TRAF3: variants seen among roughly 807,000 people sequenced by gnomAD.
TRAF3 encodes TNF receptor-associated factor 3.
TRAF3 carries 13 observed loss-of-function variants against 62.3 expected under a neutral mutation model. The observed-to-expected ratio is 0.21, with a 90% CI of 0.14 to 0.33. TRAF3 has a LOEUF of 0.33. TRAF3 is among the 10% of genes least tolerant of loss of function. TRAF3 has a pLI of 1.00. For missense variants in TRAF3, 440 were observed against 741.8 expected, an observed-to-expected ratio of 0.59 and a Z score of 4.73; for synonymous variants, 269 against 283.4, an observed-to-expected ratio of 0.95 and a Z score of 0.51.
chr14:102,891,222 C>T (rs1486308513), intron 8 of TRAF3, 103 bp from the exon 9 acceptor site: 20 of 1,076,864 alleles, frequency 1.9e-5, no homozygotes, highest in Non-Finnish European at 6.8e-6. Context: ...AAATAGGTCT[C>T]CCCTCTTTGT....
Position 102,906,110 on chromosome 14 carries a change from T to C in TRAF3, c.*326T>C, listed in dbSNP as rs2140013476. On this transcript the variant is annotated 3_prime_UTR_variant, in exon 12 of 12. Transcript: ENST00000392745. ...CTAAACAAAAGAAACATGATTTTTC[T>C]TCCTTAAACTTGAACACCAAAAAAA... The C allele has an allele frequency of 4.4e-6, 1 of 228,272 alleles. No individual in the cohort carries two copies. Among genetic ancestry groups the C allele is most frequent in the East Asian group, 9.2e-5 (1 of 10,880 alleles). 14.1% of individuals were successfully genotyped at this position (228,272 alleles called of 1,614,324 possible).
intron 1 of TRAF3, among the ~76,000 whole-genome samples, chr14:102,784,110 A>G (rs933880678): frequency 2.0e-5 from 3 of 151,908 alleles, no homozygotes; most frequent in Admixed American, 1.3e-4. Context: ...TAGGTAAGTA[A>G]TTCTCCCAAG....
intron 6 of TRAF3, among the ~76,000 whole-genome samples, chr14:102,877,377 C>T (rs557820077): frequency 1.4e-4 from 20 of 144,798 alleles, no homozygotes; most frequent in Non-Finnish European, 2.4e-4. Context: ...ACAGGCCTTC[C>T]GCTCAATTCA....
intron 2 of TRAF3, among the ~76,000 whole-genome samples, chr14:102,853,764 G>A (rs1371947848): frequency 6.6e-6 from 1 of 151,880 alleles, no homozygotes; most frequent in African/African-American, 2.4e-5. Flanking sequence ...CTTGGGCCCG[G>A]GAGGCGGAGG....
At position 102,881,395 on chromosome 14, in the gene TRAF3, C is replaced by CA. The variant is rs57546209; in HGVS notation, c.571-4779dup. On this transcript the variant is annotated intron_variant, in intron 6 of 11. Transcript: ENST00000392745. ...CAAGACTCCGTCTCAACAACAAAAA[C>CA]AAAAAAAAAAAAAAAGAAAAAAAGG... Among the ~76,000 whole-genome samples the CA allele has an allele frequency of 5.1e-3, 600 of 117,414 alleles. 1 individual carries two copies. The highest frequency in any genetic ancestry group is 7.9e-3 in the Non-Finnish European group (384 of 48,894). The allele number at this position is 117,414 out of a possible 152,430, so 77.0% of individuals were successfully genotyped here. A position where few individuals can be genotyped will look rare whatever the true frequency, so the allele number is the denominator to read the frequency against.
rs777470087 is a variant in TRAF3, at chr14:102,903,526, G to A, written c.1135+97G>A. 3 of 1,544,460 alleles carry A rather than the reference G, an allele frequency of 1.9e-6. No homozygotes were observed. Among genetic ancestry groups the A allele is most frequent in the African/African-American group, 2.7e-5 (2 of 73,616 alleles). On this transcript the variant is annotated intron_variant, in intron 11 of 11. Transcript: ENST00000392745. This position sits in a 1 kb window ranked among gnomAD's most constrained non-coding sequence, Gnocchi z 6.4. The stretch of plus-strand genomic sequence containing the variant: ...GGGATGAGGGCTATGTTAGGTACAT[G>A]TGCCTTAGGACAGTTTTTTCTAATT...
Position 102,910,337 on chromosome 14 carries a change from G to T in TRAF3, c.*4553G>T, listed in dbSNP as rs996557835. 1.3e-5 allele frequency: 2 copies of T among 152,264 alleles called. No homozygotes were observed. The highest frequency in any genetic ancestry group is 6.5e-5 in the Admixed American group (1 of 15,288). The allele number at this position is 152,264 out of a possible 1,614,324, so 9.4% of individuals were successfully genotyped here. ...GAGTGGGGGAAGCCCCCTTGCTTTT[G>T]TATCTGTGAGGTGAATGAGGGTCTG... On this transcript the variant is annotated 3_prime_UTR_variant, in exon 12 of 12. Coordinates refer to ENST00000392745, the MANE Select transcript of TRAF3 (RefSeq NM_145725.3).
chr14:102,879,251 C>G (rs930524892), intron 6 of TRAF3, among the ~76,000 whole-genome samples: 1 of 152,072 alleles, frequency 6.6e-6, no homozygotes, highest in Admixed American at 6.5e-5. Context: ...GGCCATCATC[C>G]AGTTCCTGGT....
At chr14:102,884,504 G>T (rs1889249662) in intron 6 of TRAF3, among the ~76,000 whole-genome samples, 1 of 152,042 alleles carries the variant, frequency 6.6e-6, no homozygotes, top group Admixed American at 6.6e-5. Flanking sequence ...AAATAGAAAT[G>T]ATTAATATCA....
At chr14:102,866,606 G>T (rs1181725717) in intron 2 of TRAF3, among the ~76,000 whole-genome samples, 1 of 152,120 alleles carries the variant, frequency 6.6e-6, no homozygotes, top group Non-Finnish European at 1.5e-5. Flanking sequence ...CACTTTGGGA[G>T]GCTGATGTGG....
At chr14:102,834,484 G>C (rs1315610209) in intron 2 of TRAF3, among the ~76,000 whole-genome samples, 2 of 151,734 alleles carry the variant, frequency 1.3e-5, no homozygotes, top group Admixed American at 1.3e-4. Context: ...GGATCATGAG[G>C]TCAGGAGATC....
At chr14:102,846,021 C>T (rs561047990) in intron 2 of TRAF3, among the ~76,000 whole-genome samples, 4 of 148,766 alleles carry the variant, frequency 2.7e-5, no homozygotes, top group South Asian at 2.1e-4. Context: ...ACTATTATAC[C>T]GCTGTTCAGT....
At chr14:102,882,592 A>C (rs1889132962) in intron 6 of TRAF3, among the ~76,000 whole-genome samples, 2 of 145,682 alleles carry the variant, frequency 1.4e-5, no homozygotes, top group Non-Finnish European at 1.5e-5. Flanking sequence ...CAATTTGAAC[A>C]CCCTTATTCT....
chr14:102,781,984 G>A (rs1469814654), intron 1 of TRAF3, among the ~76,000 whole-genome samples: 1 of 151,970 alleles, frequency 6.6e-6, no homozygotes, highest in Admixed American at 6.6e-5. Flanking sequence ...AGTAGAGATG[G>A]GGTTTCACCA....
intron 10 of TRAF3, among the ~76,000 whole-genome samples, chr14:102,902,414 A>G (rs907221151): frequency 6.6e-6 from 1 of 151,902 alleles, no homozygotes; most frequent in Non-Finnish European, 1.5e-5. Flanking sequence ...GTTCTGGGGA[A>G]CCCCCTGCAG....
At chr14:102,850,434 C>G (rs1368836340) in intron 2 of TRAF3, among the ~76,000 whole-genome samples, 2 of 152,120 alleles carry the variant, frequency 1.3e-5, no homozygotes, top group Non-Finnish European at 2.9e-5. Context: ...TGCTGGCTCA[C>G]ACCTGTAATC....
chr14:102,829,656 A>G (rs540665950), intron 1 of TRAF3, among the ~76,000 whole-genome samples: 3 of 152,282 alleles, frequency 2.0e-5, no homozygotes, highest in South Asian at 4.1e-4. Context: ...TTCCGGTAAC[A>G]CTTGCTAGGG....
At chr14:102,867,301 A>G (rs951543207) in intron 2 of TRAF3, among the ~76,000 whole-genome samples, 1 of 152,200 alleles carries the variant, frequency 6.6e-6, no homozygotes, top group Non-Finnish European at 1.5e-5. Flanking sequence ...CTTTGTTTTT[A>G]TAACACTTAA....
intron 1 of TRAF3, among the ~76,000 whole-genome samples, chr14:102,798,294 T>C (rs193141338): frequency 6.7e-6 from 1 of 149,574 alleles, no homozygotes; most frequent in African/African-American, 2.4e-5. Flanking sequence ...CGATCACAGC[T>C]CACTGTAGCC....
Sources: gnomAD v4.1 joint callset for allele counts (sites outside exome capture counted in the v4.1 genomes callset) on GRCh38, gnomAD v4.1.1 for gene constraint, Gnocchi (gnomAD v3.1) non-coding constraint, MANE v1.5 for transcripts, NCBI Gene and HGNC (gene_info 2026-07-23, HGNC 2026-07-21) for gene names.